DCSTAMP: variants seen among roughly 807,000 people sequenced by gnomAD.
DCSTAMP encodes the protein dendritic cell-specific transmembrane protein.
Under a neutral mutation model 33.8 loss-of-function variants are expected in DCSTAMP, and 25 were observed. The observed-to-expected ratio is 0.74, with a 90% confidence interval of 0.54 to 1.03. The LOEUF is 1.03. Ranked by LOEUF, DCSTAMP falls within the 50% of genes least tolerant of loss-of-function variation. DCSTAMP has a pLI of 0.00. For missense variants in DCSTAMP, 531 were observed against 556.8 expected (o/e 0.95, Z 0.47); for synonymous variants, 245 against 216.7 (o/e 1.13, Z -1.15).
chr8:104,343,884 C>T (rs913005794), intron 1 of DCSTAMP, among the ~76,000 whole-genome samples: 1 of 152,230 alleles, frequency 6.6e-6, no homozygotes, highest in Admixed American at 6.5e-5. Flanking sequence ...CTGGAACTTC[C>T]AGCCTCCACC....
intron 2 of DCSTAMP, among the ~76,000 whole-genome samples, chr8:104,354,316 G>C (rs1802088625): frequency 6.6e-6 from 1 of 152,116 alleles, no homozygotes; most frequent in South Asian, 2.1e-4. Context: ...ATAATTTAAT[G>C]CCTCAACATC....
At position 104,348,891 on chromosome 8, in the gene DCSTAMP, T is replaced by C. The variant is rs774639090; in HGVS notation, c.339T>C (p.Asn113=). The C allele has an allele frequency of 3.7e-6, 6 of 1,614,194 alleles. No individual in the cohort carries two copies. The highest frequency in any genetic ancestry group is 2.5e-6 in the Non-Finnish European group (3 of 1,180,038). Residue 113 remains asparagine, a synonymous_variant, in exon 2 of 4, where the codon AAT becomes AAC. Transcript: ENST00000297581. ...TGIVILGHVE[N]IFHNFKGLLD... Reference sequence around the variant, plus strand: ...TCGTCATCTTGGGACACGTAGAAAATATTTTTCACAACTTTAAAGGTCTCC... The same window carrying C: ...TCGTCATCTTGGGACACGTAGAAAACATTTTTCACAACTTTAAAGGTCTCC...
chr8:104,349,545 G>A lies in DCSTAMP; in HGVS notation c.993G>A (p.Leu331=). 6.2e-7 allele frequency: 1 copy of A among 1,613,742 alleles called. No individual in the cohort carries two copies. Among genetic ancestry groups the A allele is most frequent in the Non-Finnish European group, 8.5e-7 (1 of 1,179,920 alleles). The change falls in exon 2 of 4, where the codon TTG becomes TTA. Residue 331 remains leucine, a synonymous_variant. Transcript: ENST00000297581. The stretch of plus-strand genomic sequence containing the variant: ...CAGTGAGCAAGCAGTTTCAAAGCTT[G>A]CCAGGGTTTGAGGTTCACTTGAAAC... ...IFSVSKQFQS[L]PGFEVHLKLH...
Position 104,355,159 on chromosome 8 carries a change from A to G in DCSTAMP, c.1312A>G (p.Arg438Gly). 6.2e-7 allele frequency: 1 copy of G among 1,613,872 alleles called. No individual in the cohort carries two copies. The highest frequency in any genetic ancestry group is 1.1e-5 in the South Asian group (1 of 91,046). Residue 438 changes from arginine (R) to glycine (G), a missense_variant, in exon 3 of 4, where the codon AGA becomes GGA. Coordinates refer to ENST00000297581, the MANE Select transcript of DCSTAMP (RefSeq NM_030788.4). ...AAAGCAGCCGCTGGGAGAAGTCAAA[A>G]GACGGCTGAGTCTCTATCTTACAAA... ...RSKQPLGEVK[R>G]RLSLYLTKIH...
intron 1 of DCSTAMP, among the ~76,000 whole-genome samples, chr8:104,341,311 AC>A (rs1172031871): frequency 2.0e-5 from 3 of 152,134 alleles, no homozygotes; most frequent in Admixed American, 2.0e-4. Flanking sequence ...TTCTGACTGG[AC>A]CTTGTATCTG....
At position 104,354,841 on chromosome 8, in the gene DCSTAMP, GGCATGCATCATGATTATTT is replaced by G. The variant is rs1441667130; in HGVS notation, c.1030-35_1030-17del. 1 of 1,375,378 alleles carries G rather than the reference GGCATGCATCATGATTATTT, an allele frequency of 7.3e-7. No homozygotes were observed. Among genetic ancestry groups the G allele is most frequent in the Admixed American group, 1.9e-5 (1 of 53,896 alleles). 85.2% of individuals were successfully genotyped at this position (1,375,378 alleles called of 1,614,324 possible). A position where few individuals can be genotyped will look rare whatever the true frequency, so the allele number is the denominator to read the frequency against. On this transcript the variant is annotated splice_polypyrimidine_tract_variant and intron_variant, in intron 2 of 3. Coordinates refer to ENST00000297581, the MANE Select transcript of DCSTAMP (RefSeq NM_030788.4). ...AAAGACAAGAACTGAGTACAAAAAT[GGCATGCATCATGATTATTT>G]TATTCTTTCATTTTAGAAACAAGGA...
Position 104,355,047 on chromosome 8 carries a change from T to G in DCSTAMP, c.1200T>G (p.Leu400=), listed in dbSNP as rs1389364878. ...TGTTGTCCTCTATCCTTATGCAACT[T>G]AAAATCCTGGTGTCAGCATCTTTCT... ...LGLLSSILMQ[L]KILVSASFYP... The change falls in exon 3 of 4, where the codon CTT becomes CTG. Residue 400 remains leucine (L), a synonymous_variant. Coordinates refer to ENST00000297581, the MANE Select transcript of DCSTAMP (RefSeq NM_030788.4). 2 of 1,614,086 alleles carry G rather than the reference T, an allele frequency of 1.2e-6. No individual in the cohort carries two copies. Among genetic ancestry groups the G allele is most frequent in the Admixed American group, 1.7e-5 (1 of 60,018 alleles).
rs1168511020 is a variant in DCSTAMP, at chr8:104,348,872, T to C, written c.320T>C (p.Ile107Thr). The change falls in exon 2 of 4, where the codon ATC (isoleucine) becomes ACC (threonine). Residue 107 changes from isoleucine to threonine, a missense_variant. Physicochemically the swap from Ile to Thr is moderately conservative, Grantham distance 89. Coordinates refer to ENST00000297581, the MANE Select transcript of DCSTAMP (RefSeq NM_030788.4). ...ALIAAGTGIVILGHVENIFHN... is the reference protein window; with the variant it reads ...ALIAAGTGIVTLGHVENIFHN... Reference sequence around the variant, plus strand: ...ATTGCAGCTGGCACAGGGATCGTCATCTTGGGACACGTAGAAAATATTTTT... The same window carrying C: ...ATTGCAGCTGGCACAGGGATCGTCACCTTGGGACACGTAGAAAATATTTTT... 3.1e-6 allele frequency: 5 copies of C among 1,614,216 alleles called. No individual in the cohort carries two copies. The highest frequency in any genetic ancestry group is 4.2e-6 in the Non-Finnish European group (5 of 1,180,034).
At chr8:104,352,974 T>G (rs1185444440) in intron 2 of DCSTAMP, among the ~76,000 whole-genome samples, 6 of 152,184 alleles carry the variant, frequency 3.9e-5, no homozygotes, top group South Asian at 4.1e-4. Flanking sequence ...CAAGGAGAAG[T>G]CACACAGGAA....
chr8:104,343,549 AAGTAATTAAGGTTAAATG>A (rs1181054864), intron 1 of DCSTAMP, among the ~76,000 whole-genome samples: 2 of 152,164 alleles, frequency 1.3e-5, no homozygotes, highest in African/African-American at 4.8e-5. Flanking sequence ...GTCTCTAAGG[AAGTAATTAAGGTTAAATG>A]AGGTCCTAAG....
At position 104,349,355 on chromosome 8, in the gene DCSTAMP, C is replaced by T. The variant is rs760345015; in HGVS notation, c.803C>T (p.Pro268Leu). Residue 268 changes from proline (P) to leucine (L), a missense_variant, in exon 2 of 4, where the codon CCG becomes CTG. Physicochemically the swap from Pro to Leu is moderately conservative, Grantham distance 98. Transcript: ENST00000297581. Reference protein sequence around the residue: ...ERHQQRPCVLPLNKEERRKYV... With the variant: ...ERHQQRPCVLLLNKEERRKYV... ...CATCAACAGAGGCCCTGTGTGCTCC[C>T]GCTGAATAAGGAGGAAAGGAGGAAG... The T allele has an allele frequency of 1.4e-5, 22 of 1,614,046 alleles. No individual in the cohort carries two copies. Among genetic ancestry groups the T allele is most frequent in the Middle Eastern group, 3.3e-4 (2 of 6,084 alleles).
At chr8:104,352,812 G>A (rs1349035889) in intron 2 of DCSTAMP, among the ~76,000 whole-genome samples, 1 of 152,140 alleles carries the variant, frequency 6.6e-6, no homozygotes, top group East Asian at 1.9e-4. Flanking sequence ...ATGTGAGTAC[G>A]AGACTGCTGT....
chr8:104,351,005 T>C lies in DCSTAMP; in HGVS notation c.1029+1424T>C, dbSNP rs184343221. Among the ~76,000 whole-genome samples, 174 of 152,366 alleles carry C rather than the reference T, an allele frequency of 1.1e-3. 1 individual carries two copies. The highest frequency in any genetic ancestry group is 2.1e-3 in the Non-Finnish European group (145 of 68,036). ...AAGTTAACACCTAATTGCCATCAGATGGATCTGTGACAAATCTTCATTAGC... is the reference window on the plus strand; with the variant it reads ...AAGTTAACACCTAATTGCCATCAGACGGATCTGTGACAAATCTTCATTAGC... On this transcript the variant is annotated intron_variant, in intron 2 of 3. Coordinates refer to ENST00000297581, the MANE Select transcript of DCSTAMP (RefSeq NM_030788.4).
intron 1 of DCSTAMP, among the ~76,000 whole-genome samples, chr8:104,341,570 G>T (rs66637717): frequency 0.12 from 17,531 of 152,244 alleles, 1,087 homozygotes; most frequent in Admixed American, 0.16. Flanking sequence ...GGGCAGGGTT[G>T]ATGTGGAAGT....
chr8:104,350,307 T>G lies in DCSTAMP; in HGVS notation c.1029+726T>G, dbSNP rs536672790. Reference sequence around the variant, plus strand: ...CAAGCAGGACTATCCGGCGTGAACCTAAGAGACACGGATTTAGGGTCTGCC... The same window carrying G: ...CAAGCAGGACTATCCGGCGTGAACCGAAGAGACACGGATTTAGGGTCTGCC... On this transcript the variant is annotated intron_variant, in intron 2 of 3. Transcript: ENST00000297581. Among the ~76,000 whole-genome samples the G allele has an allele frequency of 6.6e-4, 101 of 152,308 alleles. 1 individual carries two copies. The South Asian group carries it at 0.014, about 21-fold the overall frequency.
intron 2 of DCSTAMP, among the ~76,000 whole-genome samples, chr8:104,351,173 T>C (rs1388632609): frequency 2.0e-5 from 3 of 151,974 alleles, no homozygotes; most frequent in Non-Finnish European, 2.9e-5. Flanking sequence ...TCGTTTATCT[T>C]TTCTTTTCCA....
Position 104,355,193 on chromosome 8 carries a change from C to A in DCSTAMP, c.1338+8C>A. 1 of 1,603,924 alleles carries A rather than the reference C, an allele frequency of 6.2e-7. No homozygotes were observed. Among genetic ancestry groups the A allele is most frequent in the Non-Finnish European group, 8.5e-7 (1 of 1,175,818 alleles). On this transcript the variant is annotated splice_region_variant and intron_variant, in intron 3 of 3. Coordinates refer to ENST00000297581, the MANE Select transcript of DCSTAMP (RefSeq NM_030788.4). ...AGTCTCTATCTTACAAAGGTAAGGC[C>A]AAGATGGTGGTGTAACCTCCAATTG... is the stretch of plus-strand genomic sequence containing the variant.
Position 104,355,231 on chromosome 8 carries a change from G to A in DCSTAMP, c.1338+46G>A, listed in dbSNP as rs780412078. The A allele has an allele frequency of 3.8e-6, 6 of 1,558,970 alleles. No individual in the cohort carries two copies. The Admixed American group carries it at 1.2e-4, about 31-fold the overall frequency. ...TAACCTCCAATTGAGGAAGTGTTGAGTTTGGAGGGAAATGGGAAAGGGGAC... is the reference window on the plus strand; with the variant it reads ...TAACCTCCAATTGAGGAAGTGTTGAATTTGGAGGGAAATGGGAAAGGGGAC... On this transcript the variant is annotated intron_variant, in intron 3 of 3. Transcript: ENST00000297581.
At chr8:104,343,398 T>C (rs1175590493) in intron 1 of DCSTAMP, among the ~76,000 whole-genome samples, 1 of 152,230 alleles carries the variant, frequency 6.6e-6, no homozygotes, top group Non-Finnish European at 1.5e-5. Flanking sequence ...CCTCAGACAT[T>C]GACACAAGCT....
Sources: allele counts gnomAD v4.1 joint callset (sites outside exome capture counted in the v4.1 genomes callset), GRCh38; gene constraint gnomAD v4.1.1; transcripts MANE v1.5; gene names NCBI Gene and HGNC (gene_info 2026-07-23, HGNC 2026-07-21).